The following MPPED2 variants were observed in gnomAD, a reference collection of about 807,000 sequenced individuals.
MPPED2 encodes metallophosphoesterase MPPED2.
A neutral mutation model predicts 33.0 loss-of-function variants in MPPED2; 5 were observed. The observed-to-expected ratio is 0.15, with a 90% CI of 0.08 to 0.32. The LOEUF (loss-of-function observed/expected upper bound fraction) is 0.32. Ranked by LOEUF, MPPED2 falls within the 10% of genes least tolerant of loss-of-function variation. The pLI, the probability that MPPED2 is intolerant of heterozygous loss-of-function variation, is 1.00. For missense variants in MPPED2, 275 were observed against 372.1 expected, an observed-to-expected ratio of 0.74 and a Z score of 2.15; for synonymous variants, 136 against 141.9, an observed-to-expected ratio of 0.96 and a Z score of 0.29.
chr11:30,471,858 C>G lies in MPPED2; in HGVS notation c.536+23438G>C, dbSNP rs574410463. 7.2e-5 allele frequency among the ~76,000 whole-genome samples: 11 copies of G among 152,266 alleles called. No homozygotes were observed. In the East Asian group the frequency reaches 2.1e-3, roughly 29 times the overall value. ...GTGTCCTGATTTGCTATCTTTTTCTCTTAGAACCATAACCCATGGATTTTT... is the reference window on the plus strand; with the variant it reads ...GTGTCCTGATTTGCTATCTTTTTCTGTTAGAACCATAACCCATGGATTTTT... On this transcript the variant is annotated intron_variant, in intron 4 of 6. Transcript: ENST00000358117.
chr11:30,520,921 T>C (rs1000905768), intron 3 of MPPED2, among the ~76,000 whole-genome samples: 2 of 151,914 alleles, frequency 1.3e-5, no homozygotes. Context: ...GGGACTCCTC[T>C]TTACACTTTG....
intron 6 of MPPED2, among the ~76,000 whole-genome samples, chr11:30,398,728 T>C (rs1032298351): frequency 6.6e-6 from 1 of 152,126 alleles, no homozygotes; most frequent in Non-Finnish European, 1.5e-5. Flanking sequence ...GCTTTTAAAC[T>C]TTCCTTAATA....
At chr11:30,526,003 A>T (rs904370582) in intron 3 of MPPED2, among the ~76,000 whole-genome samples, 1 of 152,088 alleles carries the variant, frequency 6.6e-6, no homozygotes, top group African/African-American at 2.4e-5. Context: ...TGGGTTCATT[A>T]TTTTCCCCCA....
chr11:30,414,048 AG>A lies in MPPED2; in HGVS notation c.766+179del, dbSNP rs540667337. 2.4e-4 allele frequency among the ~76,000 whole-genome samples: 36 copies of A among 152,294 alleles called. No individual in the cohort carries two copies. In the South Asian group the frequency reaches 6.6e-3, roughly 28 times the overall value. The stretch of plus-strand genomic sequence containing the variant: ...CTACTTTCCACTCTGTTTACAAGAG[AG>A]AAGGTCCATATAAAATATTTATCAG... On this transcript the variant is annotated intron_variant, in intron 6 of 6. Coordinates refer to ENST00000358117, the MANE Select transcript of MPPED2 (RefSeq NM_001584.3).
At chr11:30,458,700 A>G (rs1469791746) in intron 4 of MPPED2, among the ~76,000 whole-genome samples, 3 of 152,144 alleles carry the variant, frequency 2.0e-5, no homozygotes, top group Non-Finnish European at 4.4e-5. Context: ...CCTGGGTGCT[A>G]AAGTGCCAAT....
chr11:30,451,645 C>A (rs902097793), intron 4 of MPPED2: 15 of 916,266 alleles, frequency 1.6e-5, no homozygotes, highest in African/African-American at 1.1e-4. Context: ...ATAAAAGAAG[C>A]CTGTATTTCA....
chr11:30,519,305 C>T (rs1383489113), intron 3 of MPPED2, among the ~76,000 whole-genome samples: 2 of 151,828 alleles, frequency 1.3e-5, no homozygotes, highest in Non-Finnish European at 2.9e-5. Context: ...TACGTACACA[C>T]ACAAAAAAGT....
chr11:30,573,689 G>C (rs947470303), intron 2 of MPPED2, among the ~76,000 whole-genome samples: 1 of 152,080 alleles, frequency 6.6e-6, no homozygotes, highest in Non-Finnish European at 1.5e-5. Context: ...TATTTCAATA[G>C]CTTTTGGGAT....
At chr11:30,426,886 A>G (rs1948862156) in intron 4 of MPPED2, among the ~76,000 whole-genome samples, 1 of 152,088 alleles carries the variant, frequency 6.6e-6, no homozygotes, top group Non-Finnish European at 1.5e-5. Flanking sequence ...CCTCCTATAC[A>G]TTCCATAATA....
chr11:30,503,641 C>T (rs1288965834), intron 3 of MPPED2, among the ~76,000 whole-genome samples: 3 of 152,178 alleles, frequency 2.0e-5, no homozygotes, highest in Non-Finnish European at 2.9e-5. Context: ...CAAAAGCAAA[C>T]ATGGCTTGTC....
At chr11:30,532,584 A>G (rs548316679) in intron 3 of MPPED2, among the ~76,000 whole-genome samples, 3 of 152,190 alleles carry the variant, frequency 2.0e-5, no homozygotes, top group Non-Finnish European at 4.4e-5. Flanking sequence ...TATCCTCACA[A>G]CCACCGTAAG....
At chr11:30,555,984 C>T (rs557655410) in intron 2 of MPPED2, among the ~76,000 whole-genome samples, 3 of 152,198 alleles carry the variant, frequency 2.0e-5, no homozygotes, top group East Asian at 3.9e-4. Flanking sequence ...AAAATCTTTT[C>T]CTTCTTAAAT....
intron 6 of MPPED2, among the ~76,000 whole-genome samples, chr11:30,413,994 GT>G (rs1261813354): frequency 3.3e-5 from 5 of 152,134 alleles, no homozygotes; most frequent in Admixed American, 1.3e-4. Context: ...GGAGTGCAGG[GT>G]TTGCAGTTAG....
At chr11:30,388,906 G>T in exon 7 of MPPED2, 1 of 1,565,990 alleles carries the variant, frequency 6.4e-7, no homozygotes, top group South Asian at 1.2e-5. Flanking sequence ...GTTTTTGAAG[G>T]CAGAGAACAT....
At chr11:30,492,659 C>G (rs1028444880) in intron 4 of MPPED2, among the ~76,000 whole-genome samples, 1 of 151,964 alleles carries the variant, frequency 6.6e-6, no homozygotes, top group African/African-American at 2.4e-5. Flanking sequence ...GCTGTTTATT[C>G]TCTTGCCCTT....
At chr11:30,509,758 A>G (rs533880) in intron 3 of MPPED2, among the ~76,000 whole-genome samples, 147,495 of 152,234 alleles carry the variant, frequency 0.97, 71,513 homozygotes, top group Middle Eastern at 0.99. Flanking sequence ...CAGGCTTACC[A>G]AAATTCCAAC....
At chr11:30,515,702 G>A (rs1048239367) in intron 3 of MPPED2, among the ~76,000 whole-genome samples, 2 of 152,070 alleles carry the variant, frequency 1.3e-5, no homozygotes, top group Non-Finnish European at 2.9e-5. Flanking sequence ...AATCCTACAG[G>A]ACCCCAAAAG....
chr11:30,519,621 C>T (rs763973414), intron 3 of MPPED2, among the ~76,000 whole-genome samples: 2 of 151,972 alleles, frequency 1.3e-5, no homozygotes, highest in Admixed American at 6.6e-5. Flanking sequence ...TACATTGCTT[C>T]CTAAATCCAG....
At chr11:30,442,833 G>T (rs1260774246) in intron 4 of MPPED2, among the ~76,000 whole-genome samples, 1 of 152,150 alleles carries the variant, frequency 6.6e-6, no homozygotes. Flanking sequence ...AACATAAACA[G>T]ATCCCAATTC....
Sources: allele counts gnomAD v4.1 joint callset (sites outside exome capture counted in the v4.1 genomes callset), GRCh38; gene constraint gnomAD v4.1.1; transcripts MANE v1.5; gene names NCBI Gene and HGNC (gene_info 2026-07-23, HGNC 2026-07-21).